The following BPIFB3 variants were observed in gnomAD, a reference collection of about 807,000 sequenced individuals.
The protein encoded by BPIFB3 is BPI fold-containing family B member 3.
Under a neutral mutation model 53.1 loss-of-function variants are expected in BPIFB3, and 49 were observed. The ratio of observed to expected loss-of-function variants is 0.92; its 90% CI spans 0.73 to 1.17. The LOEUF is 1.17. BPIFB3 is among the 50% of genes most tolerant of loss of function. The pLI is 0.00. For synonymous variants in BPIFB3, 271 were observed against 269.6 expected (o/e 1.01, Z -0.05); for missense variants, 628 against 592.5 (o/e 1.06, Z -0.62).
intron 2 of BPIFB3, among the ~76,000 whole-genome samples, chr20:33,058,730 A>G (rs1349848077): frequency 6.6e-6 from 1 of 152,040 alleles, no homozygotes; most frequent in Admixed American, 6.6e-5. Flanking sequence ...GGCTCAGGGC[A>G]GTGATGGAGG....
At chr20:33,054,696 G>A (rs186431346), upstream of BPIFB3, among the ~76,000 whole-genome samples, 286 of 152,296 alleles carry the variant, frequency 1.9e-3, no homozygotes, top group African/African-American at 6.4e-3. Context: ...GGGCAGCGGG[G>A]AGCCACTGAA....
chr20:33,064,499 T>A (rs773745311), exon 7 of BPIFB3: 2 of 1,614,152 alleles, frequency 1.2e-6, no homozygotes, highest in Admixed American at 3.3e-5. Flanking sequence ...GAATTCTCTC[T>A]GGCCACATTG....
At chr20:33,072,900 C>T in intron 14 of BPIFB3, 107 bp downstream of exon 15, 1 of 982,474 alleles carries the variant, frequency 1.0e-6, no homozygotes. Context: ...CTTGTCTGTC[C>T]CTGATCCATT....
exon 6 of BPIFB3, chr20:33,063,620 C>G (rs1300443214): frequency 6.2e-7 from 1 of 1,614,032 alleles, no homozygotes; most frequent in Admixed American, 1.7e-5. Flanking sequence ...CACAGCTGTG[C>G]CCCGTGGTGG....
chr20:33,071,017 A>G (rs958079879), intron 11 of BPIFB3, among the ~76,000 whole-genome samples: 2 of 152,172 alleles, frequency 1.3e-5, no homozygotes, highest in Non-Finnish European at 2.9e-5. Context: ...TGGGAGTCAG[A>G]CAAAGGCGCC....
chr20:33,073,741 G>T, downstream of BPIFB3: 1 of 1,006,106 alleles, frequency 9.9e-7, no homozygotes. Flanking sequence ...ACTACTCCAA[G>T]TTTGGGGTGG....
intron 7 of BPIFB3, 55 bp downstream of exon 8, chr20:33,064,603 C>T (rs79047848): frequency 0.028 from 44,676 of 1,612,700 alleles, 864 homozygotes; most frequent in Non-Finnish European, 0.028. Flanking sequence ...TAGGGGATGC[C>T]GGATCAAGGC....
chr20:33,069,975 A>C lies in BPIFB3; in HGVS notation c.1217+20A>C. 6.8e-6 allele frequency: 11 copies of C among 1,612,058 alleles called. No homozygotes were observed. Among genetic ancestry groups the C allele is most frequent in the Non-Finnish European group, 9.3e-6 (11 of 1,178,122 alleles). Reference sequence around the variant, plus strand: ...GGAACGGTAACTTGGGATCCTGGGGACAGGATCTTGTTCTTGTCTTTAGGA... The same window carrying C: ...GGAACGGTAACTTGGGATCCTGGGGCCAGGATCTTGTTCTTGTCTTTAGGA... On this transcript the variant is annotated intron_variant, in intron 11 of 14. Coordinates refer to ENST00000375494, the Ensembl canonical transcript of BPIFB3.
chr20:33,056,198 C>T (rs981560680), intron 1 of BPIFB3, among the ~76,000 whole-genome samples: 1 of 152,204 alleles, frequency 6.6e-6, no homozygotes, highest in South Asian at 2.1e-4. Flanking sequence ...ACACTACTGA[C>T]CCCAACCCAA....
exon 8 of BPIFB3, chr20:33,064,733 C>A: frequency 6.2e-7 from 1 of 1,614,092 alleles, no homozygotes; most frequent in Non-Finnish European, 8.5e-7. Flanking sequence ...GCCAAGGTGC[C>A]CCCCAAGAAG....
rs747436928 is a variant in BPIFB3, at chr20:33,071,253, G to A, written c.1218G>A (p.Arg406=). 6.4e-6 allele frequency: 10 copies of A among 1,563,832 alleles called. No homozygotes were observed. In the East Asian group the frequency reaches 7.0e-5, roughly 11 times the overall value. The change falls in exon 12 of 15, where the codon CGG becomes CGA. Residue 406 remains arginine (R), a splice_region_variant and synonymous_variant. Coordinates refer to ENST00000375494, the Ensembl canonical transcript of BPIFB3. The stretch of plus-strand genomic sequence containing the variant: ...CCAGCATCTCTCTTCTCTCCACCAG[G>A]CTCAGTGTCAAGGTGGCCTCCTCCT...
chr20:33,063,489 T>C, intron 5 of BPIFB3, 126 bp from the exon 7 acceptor site: 1 of 1,000,610 alleles, frequency 1.0e-6, no homozygotes, highest in Non-Finnish European at 1.6e-6. Flanking sequence ...TCTGTCTGTC[T>C]CTGCCTTCCG....
exon 6 of BPIFB3, chr20:33,063,634 G>C (rs1980540963): frequency 1.2e-6 from 2 of 1,613,994 alleles, no homozygotes; most frequent in Non-Finnish European, 1.7e-6. Flanking sequence ...GTGGTGGACA[G>C]TGTGCTGGGT....
At chr20:33,071,543 C>G (rs963344223) in intron 12 of BPIFB3, among the ~76,000 whole-genome samples, 1 of 152,090 alleles carries the variant, frequency 6.6e-6, no homozygotes, top group Non-Finnish European at 1.5e-5. Context: ...TGATCTTCCA[C>G]GGTCTTGGAA....
At chr20:33,069,736 C>A in intron 10 of BPIFB3, 152 bp from the exon 12 acceptor site, 2 of 764,062 alleles carry the variant, frequency 2.6e-6, no homozygotes, top group Non-Finnish European at 4.5e-6. Context: ...ACAGCAAAAC[C>A]TTCAAATTAC....
chr20:33,059,518 C>A, intron 3 of BPIFB3, 36 bp downstream of exon 4: 2 of 1,471,680 alleles, frequency 1.4e-6, no homozygotes, highest in Non-Finnish European at 1.9e-6. Flanking sequence ...CCTCCTGCTT[C>A]CTATCCCACC....
intron 5 of BPIFB3, 66 bp from the exon 7 acceptor site, chr20:33,063,549 A>C: frequency 1.3e-6 from 2 of 1,556,614 alleles, no homozygotes; most frequent in Non-Finnish European, 1.8e-6. Context: ...AAAGCATTTA[A>C]AGAACATGCA....
At chr20:33,054,752 G>A (rs545375198), upstream of BPIFB3, among the ~76,000 whole-genome samples, 1 of 152,326 alleles carries the variant, frequency 6.6e-6, no homozygotes, top group East Asian at 1.9e-4. Context: ...ATATGTGATT[G>A]GGTGGGCAAA....
upstream of BPIFB3, among the ~76,000 whole-genome samples, chr20:33,054,384 G>A (rs552487835): frequency 2.6e-5 from 4 of 152,140 alleles, no homozygotes; most frequent in Non-Finnish European, 4.4e-5. Flanking sequence ...GACACAAACA[G>A]ATGCATAATT....
Sources: gnomAD v4.1 joint callset for allele counts (sites outside exome capture counted in the v4.1 genomes callset) on GRCh38, gnomAD v4.1.1 for gene constraint, MANE v1.5 for transcripts, NCBI Gene and HGNC (gene_info 2026-07-23, HGNC 2026-07-21) for gene names.